COL4A2: variants seen among roughly 807,000 people sequenced by gnomAD.
COL4A2 encodes the protein collagen alpha-2(IV) chain.
COL4A2 carries 99 observed loss-of-function variants against 200.2 expected under a neutral mutation model. The ratio of observed to expected loss-of-function variants is 0.49; its 90% CI spans 0.42 to 0.58. COL4A2 has a LOEUF of 0.58. COL4A2 is among the 20% of genes least tolerant of loss of function. The pLI, the probability that COL4A2 is intolerant of heterozygous loss-of-function variation, is 0.00. For synonymous variants in COL4A2, 897 were observed against 900.6 expected, an observed-to-expected ratio of 1.00 and a Z score of 0.07; for missense variants, 1,950 against 2,314.1, an observed-to-expected ratio of 0.84 and a Z score of 3.23.
rs1472362820 is a variant in COL4A2, at chr13:110,380,568, A to AT, written c.180+23022dup. Among the ~76,000 whole-genome samples the AT allele has an allele frequency of 8.5e-5, 13 of 152,252 alleles. No homozygotes were observed. In the South Asian group the frequency reaches 1.2e-3, roughly 15 times the overall value. Reference sequence around the variant, plus strand: ...ACACTCACATTAGAAGAATGTAGGGATTTTTTCCATCAATATTCGGGCAAG... The same window carrying AT: ...ACACTCACATTAGAAGAATGTAGGGATTTTTTTCCATCAATATTCGGGCAAG... On this transcript the variant is annotated intron_variant, in intron 4 of 47. Coordinates refer to ENST00000360467, the MANE Select transcript of COL4A2 (RefSeq NM_001846.4).
At chr13:110,445,478 C>T (rs188758474) in intron 16 of COL4A2, among the ~76,000 whole-genome samples, 299 of 152,324 alleles carry the variant, frequency 2.0e-3, no homozygotes, top group Admixed American at 4.8e-3. Context: ...GTGAGACTGA[C>T]TGCAGCCCAC....
rs1053278341 is a variant in COL4A2 at position 110,445,717 on chromosome 13, C to G, written c.958-112C>G. 2.9e-6 allele frequency: 4 copies of G among 1,378,050 alleles called. No homozygotes were observed. In the African/African-American group the frequency reaches 5.7e-5, roughly 20 times the overall value. The allele number at this position is 1,378,050 out of a possible 1,614,324, so 85.4% of individuals were successfully genotyped here. Reference sequence around the variant, plus strand: ...AAATTGAGCACAGACTGGGTTAATACATGACTTTAATAAACTGTTGTTCAT... The same window carrying G: ...AAATTGAGCACAGACTGGGTTAATAGATGACTTTAATAAACTGTTGTTCAT... On this transcript the variant is annotated intron_variant, in intron 16 of 47. Coordinates refer to ENST00000360467, the MANE Select transcript of COL4A2 (RefSeq NM_001846.4).
chr13:110,495,270 T>C, intron 39 of COL4A2, 72 bp from the exon 40 acceptor site: 1 of 1,594,828 alleles, frequency 6.3e-7, no homozygotes. Flanking sequence ...CCCCAAGCTG[T>C]TCTTTCACTT....
intron 29 of COL4A2, among the ~76,000 whole-genome samples, chr13:110,474,675 TTA>T (rs1882612323): frequency 9.6e-6 from 1 of 104,376 alleles, no homozygotes; most frequent in African/African-American, 3.6e-5. Flanking sequence ...ATCACACTCC[TTA>T]CACACGTACC....
intron 4 of COL4A2, among the ~76,000 whole-genome samples, chr13:110,386,017 G>GGGCCGTGGTTACAGTGTGTGGATA (rs1878729009): frequency 2.5e-5 from 2 of 80,112 alleles, no homozygotes; most frequent in Admixed American, 1.1e-4. Flanking sequence ...GCGTGTGGAT[G>GGGCCGTGGTTACAGTGTGTGGATA]GGCCGTGGTT....
chr13:110,505,173 A>AT (rs1566572757), intron 45 of COL4A2, among the ~76,000 whole-genome samples: 1 of 150,746 alleles, frequency 6.6e-6, no homozygotes, highest in African/African-American at 2.4e-5. Context: ...ACACGGTGAA[A>AT]CCCCGTCTCT....
At chr13:110,456,814 C>G (rs1431901261) in intron 20 of COL4A2, 1 of 474,724 alleles carries the variant, frequency 2.1e-6, no homozygotes, top group Non-Finnish European at 4.3e-6. Flanking sequence ...GGTGCCGATG[C>G]CCTGCGTCTG....
At chr13:110,403,959 C>G (rs965766219) in intron 4 of COL4A2, among the ~76,000 whole-genome samples, 3 of 152,160 alleles carry the variant, frequency 2.0e-5, no homozygotes, top group African/African-American at 7.2e-5. Flanking sequence ...TAGACAGTGC[C>G]TTGCTGCTAT....
intron 4 of COL4A2, among the ~76,000 whole-genome samples, chr13:110,371,872 A>G (rs915662876): frequency 2.0e-4 from 30 of 152,110 alleles, no homozygotes; most frequent in African/African-American, 7.0e-4. Context: ...TTCTTATCCT[A>G]CTGATCTCTA....
rs960698026 is a variant in COL4A2, at chr13:110,316,636, G to A, written c.99+8513G>A. On this transcript the variant is annotated intron_variant, in intron 3 of 47. Coordinates refer to ENST00000360467, the MANE Select transcript of COL4A2 (RefSeq NM_001846.4). ...TCTCGGAGCAGCTAAAACACCCTGC[G>A]AAGAAACATAGCAAATCCTGTTTGC... 4.6e-5 allele frequency among the ~76,000 whole-genome samples: 7 copies of A among 152,142 alleles called. No individual in the cohort carries two copies. In the East Asian group the frequency reaches 1.3e-3, roughly 29 times the overall value.
chr13:110,478,278 G>A (rs1285248195), intron 30 of COL4A2, 114 bp downstream of exon 30: 25 of 1,069,900 alleles, frequency 2.3e-5, no homozygotes, highest in Non-Finnish European at 3.0e-5. Flanking sequence ...CCCTTAAGAG[G>A]TGCAGGGGTT....
intron 4 of COL4A2, among the ~76,000 whole-genome samples, chr13:110,364,606 A>C (rs1594171283): frequency 6.6e-6 from 1 of 152,256 alleles, no homozygotes; most frequent in Non-Finnish European, 1.5e-5. Context: ...CTGAAGCTCC[A>C]AGTTTCAGAA....
intron 3 of COL4A2, among the ~76,000 whole-genome samples, chr13:110,349,524 A>G (rs994647442): frequency 1.3e-5 from 2 of 152,218 alleles, no homozygotes; most frequent in South Asian, 2.1e-4. Context: ...ACTGTATCCC[A>G]TTGATAAATG....
chr13:110,433,442 G>GA (rs11440453), intron 11 of COL4A2, among the ~76,000 whole-genome samples: 56,115 of 152,182 alleles, frequency 0.37, 11,632 homozygotes, highest in African/African-American at 0.57. Context: ...AGGAGGCAGA[G>GA]AGGGACTGTG....
chr13:110,422,200 G>A (rs990273538), intron 4 of COL4A2, among the ~76,000 whole-genome samples: 7 of 152,192 alleles, frequency 4.6e-5, no homozygotes, highest in Non-Finnish European at 1.5e-5. Flanking sequence ...TCGTGGCATG[G>A]TATGTAATCT....
At chr13:110,368,798 G>A (rs746213953) in intron 4 of COL4A2, among the ~76,000 whole-genome samples, 1 of 134,436 alleles carries the variant, frequency 7.4e-6, no homozygotes, top group Non-Finnish European at 1.5e-5. Flanking sequence ...GCCATAATTT[G>A]TTATATTTAA....
chr13:110,383,209 T>C (rs7330321), intron 4 of COL4A2, among the ~76,000 whole-genome samples: 151,429 of 152,384 alleles, frequency 0.99, 75,249 homozygotes, highest in East Asian at 1. Flanking sequence ...CCATGGAAGA[T>C]GCTGTCAGAA....
At chr13:110,310,248 G>C (rs1018873144) in intron 3 of COL4A2, among the ~76,000 whole-genome samples, 1 of 152,134 alleles carries the variant, frequency 6.6e-6, no homozygotes, top group Non-Finnish European at 1.5e-5. Context: ...CAAAGTGCAG[G>C]CCCCCTAGAC....
chr13:110,429,334 T>C (rs1880588906), intron 7 of COL4A2: 1 of 152,602 alleles, frequency 6.6e-6, no homozygotes. Context: ...TACGTCATCT[T>C]CTACTCTATA....
Sources: allele counts gnomAD v4.1 joint callset (sites outside exome capture counted in the v4.1 genomes callset), GRCh38; gene constraint gnomAD v4.1.1; transcripts MANE v1.5; gene names NCBI Gene and HGNC (gene_info 2026-07-23, HGNC 2026-07-21).